RIT2: variants seen among roughly 807,000 people sequenced by gnomAD.
The protein encoded by RIT2 is Ras like without CAAX 2.
RIT2 carries 24 observed loss-of-function variants against 23.7 expected under a neutral mutation model. The observed-to-expected ratio is 1.01, with a 90% CI of 0.73 to 1.43. RIT2 has a LOEUF of 1.43. Among genes scored for constraint, RIT2 ranks in the 40% most tolerant of loss-of-function variants. The pLI is 0.00. For missense variants in RIT2, 236 were observed against 266.9 expected, an observed-to-expected ratio of 0.88 and a Z score of 0.81; for synonymous variants, 107 against 91.1, an observed-to-expected ratio of 1.17 and a Z score of -0.99.
chr18:42,814,329 T>C (rs1310848715), intron 4 of RIT2, among the ~76,000 whole-genome samples: 1 of 152,144 alleles, frequency 6.6e-6, no homozygotes, highest in African/African-American at 2.4e-5. Context: ...GGACAAGTTC[T>C]CAGCCCTACT....
chr18:42,871,596 C>T (rs1907623026), intron 4 of RIT2, among the ~76,000 whole-genome samples: 1 of 152,142 alleles, frequency 6.6e-6, no homozygotes, highest in Admixed American at 6.5e-5. Context: ...ACGCATACTA[C>T]TGAGGAAAAC....
Position 43,087,972 on chromosome 18 carries a change from C to T in RIT2, c.103+27445G>A, listed in dbSNP as rs570562208. 2.0e-3 allele frequency among the ~76,000 whole-genome samples: 305 copies of T among 152,252 alleles called. 2 individuals carry two copies. Among genetic ancestry groups the T allele is most frequent in the African/African-American group, 6.9e-3 (285 of 41,556 alleles). ...AGTCTGTTGTTTCTTAATAATTTTA[C>T]TTCATTAATATTAGCCTAGTGTATG... On this transcript the variant is annotated intron_variant, in intron 1 of 4. Coordinates refer to ENST00000326695, the MANE Select transcript of RIT2 (RefSeq NM_002930.4).
intron 3 of RIT2, among the ~76,000 whole-genome samples, chr18:42,945,689 CTT>C (rs1469680459): frequency 2.6e-5 from 4 of 152,060 alleles, no homozygotes; most frequent in African/African-American, 9.7e-5. Flanking sequence ...TTTCTGTTCT[CTT>C]ATCCTTTTTA....
At chr18:42,967,431 G>A (rs1278153451) in intron 3 of RIT2, among the ~76,000 whole-genome samples, 1 of 151,558 alleles carries the variant, frequency 6.6e-6, no homozygotes, top group East Asian at 1.9e-4. Flanking sequence ...GTGCAGTGGC[G>A]TGATCTCGGC....
chr18:42,848,202 C>T (rs535778658), intron 4 of RIT2, among the ~76,000 whole-genome samples: 65 of 152,204 alleles, frequency 4.3e-4, no homozygotes, highest in African/African-American at 1.5e-3. Context: ...ATTCTCGCTC[C>T]AAAACCCTTC....
intron 4 of RIT2, among the ~76,000 whole-genome samples, chr18:42,804,560 C>CTAAAAAAAAAAAAAAAAAAAAAAAAA: frequency 3.5e-5 from 1 of 28,596 alleles, no homozygotes; most frequent in Non-Finnish European, 7.5e-5. Context: ...TGCCTCAAAA[C>CTAAAAAAAAAAAAAAAAAAAAAAAAA]TAAAAAAAAA....
chr18:43,089,375 T>C (rs1913364363), intron 1 of RIT2, among the ~76,000 whole-genome samples: 1 of 151,666 alleles, frequency 6.6e-6, no homozygotes, highest in Non-Finnish European at 1.5e-5. Context: ...ACCAGAAAGG[T>C]GAAAGATCTC....
intron 1 of RIT2, among the ~76,000 whole-genome samples, chr18:43,055,103 T>C (rs764278370): frequency 1.3e-5 from 2 of 152,118 alleles, no homozygotes; most frequent in Non-Finnish European, 2.9e-5. Context: ...TTACATTTTC[T>C]ATGCCTTCTG....
chr18:42,797,005 T>C (rs1288065321), intron 4 of RIT2, among the ~76,000 whole-genome samples: 1 of 152,194 alleles, frequency 6.6e-6, no homozygotes, highest in Non-Finnish European at 1.5e-5. Context: ...TAGATATCTC[T>C]AAATCCATAT....
At chr18:43,004,141 T>G (rs2144245836) in intron 2 of RIT2, among the ~76,000 whole-genome samples, 1 of 151,964 alleles carries the variant, frequency 6.6e-6, no homozygotes, top group African/African-American at 2.4e-5. Flanking sequence ...TGTTGTGTAT[T>G]TATGAAAAGG....
At chr18:42,822,666 G>A (rs775146364) in intron 4 of RIT2, among the ~76,000 whole-genome samples, 5 of 151,686 alleles carry the variant, frequency 3.3e-5, no homozygotes, top group Non-Finnish European at 7.4e-5. Flanking sequence ...CTAAAACTGT[G>A]CATCCTGTTT....
Position 42,859,016 on chromosome 18 carries a change from T to G in RIT2, c.426+64556A>C, listed in dbSNP as rs1907259162. Among the ~76,000 whole-genome samples the G allele has an allele frequency of 1.3e-5, 2 of 152,212 alleles. 1 individual carries two copies. The highest frequency in any genetic ancestry group is 1.3e-4 in the Admixed American group (2 of 15,284). ...TTATAAATTGTACTGGTATGAACAT[T>G]CATGTATAAGTTTTTAGGTGGACAT... On this transcript the variant is annotated intron_variant, in intron 4 of 4. Coordinates refer to ENST00000326695, the MANE Select transcript of RIT2 (RefSeq NM_002930.4).
At chr18:42,990,173 A>T (rs1410233115) in intron 2 of RIT2, among the ~76,000 whole-genome samples, 1 of 152,038 alleles carries the variant, frequency 6.6e-6, no homozygotes, top group Admixed American at 6.6e-5. Context: ...CCTGAGAATC[A>T]AGAGGACTAA....
chr18:42,804,879 A>C (rs1411091700), intron 4 of RIT2, among the ~76,000 whole-genome samples: 2 of 152,232 alleles, frequency 1.3e-5, no homozygotes, highest in Non-Finnish European at 1.5e-5. Context: ...AATCAGGCAC[A>C]CATGAGATAG....
At chr18:43,016,723 A>G (rs1402088676) in intron 2 of RIT2, among the ~76,000 whole-genome samples, 2 of 151,848 alleles carry the variant, frequency 1.3e-5, no homozygotes, top group Non-Finnish European at 2.9e-5. Context: ...GAATATGGAA[A>G]ATTGACATAT....
At chr18:42,753,201 C>T (rs1275529887) in intron 4 of RIT2, among the ~76,000 whole-genome samples, 1 of 152,134 alleles carries the variant, frequency 6.6e-6, no homozygotes, top group Non-Finnish European at 1.5e-5. Context: ...ACTTTCAGTC[C>T]CAACAATCTG....
intron 4 of RIT2, among the ~76,000 whole-genome samples, chr18:42,830,116 C>T (rs936951226): frequency 6.6e-6 from 1 of 151,982 alleles, no homozygotes; most frequent in Admixed American, 6.6e-5. Context: ...TGACATATAC[C>T]CTCACCCTAA....
chr18:43,050,882 C>T (rs1178711703), intron 1 of RIT2, among the ~76,000 whole-genome samples: 2 of 152,070 alleles, frequency 1.3e-5, no homozygotes, highest in Non-Finnish European at 2.9e-5. Context: ...TATACTTTGC[C>T]CTACGTGTCT....
chr18:42,993,141 G>A (rs923140962), intron 2 of RIT2, among the ~76,000 whole-genome samples: 10 of 152,188 alleles, frequency 6.6e-5, no homozygotes, highest in African/African-American at 2.2e-4. Flanking sequence ...TCCCCCAGGA[G>A]CTTGCTACAA....
Sources: allele counts gnomAD v4.1 joint callset (sites outside exome capture counted in the v4.1 genomes callset), GRCh38; gene constraint gnomAD v4.1.1; transcripts MANE v1.5; gene names NCBI Gene and HGNC (gene_info 2026-07-23, HGNC 2026-07-21).